WDPCP: variants seen among roughly 807,000 people sequenced by gnomAD.
WDPCP encodes the protein WD repeat containing planar cell polarity effector.
In WDPCP, 71 loss-of-function variants were observed where a neutral mutation model predicts 93.1. The observed-to-expected ratio is 0.76, with a 90% CI of 0.63 to 0.93. The LOEUF (loss-of-function observed/expected upper bound fraction) is 0.93. WDPCP is among the 40% of genes least tolerant of loss of function. The pLI, the probability that WDPCP is intolerant of heterozygous loss-of-function variation, is 0.00. For missense variants in WDPCP, 844 were observed against 887.4 expected (o/e 0.95, Z 0.62); for synonymous variants, 315 against 315.0 (o/e 1.00, Z 0.00).
chr2:63,650,173 T>C (rs1019990619), intron 3 of WDPCP, among the ~76,000 whole-genome samples: 1 of 152,210 alleles, frequency 6.6e-6, no homozygotes. Context: ...TCCCAAGATT[T>C]GTTCAGTACA....
intron 6 of WDPCP, among the ~76,000 whole-genome samples, chr2:63,444,748 T>G (rs1392202333): frequency 2.0e-5 from 3 of 152,052 alleles, no homozygotes; most frequent in Non-Finnish European, 4.4e-5. Context: ...CTGTCCCAAT[T>G]TGAATGTTGT....
chr2:63,285,941 T>C, intron 13 of WDPCP, among the ~76,000 whole-genome samples: 1 of 152,124 alleles, frequency 6.6e-6, no homozygotes, highest in Non-Finnish European at 1.5e-5. Context: ...AAAATATACA[T>C]TCTTTCAGTA....
At chr2:63,834,917 C>G in the WDPCP span, among the ~76,000 whole-genome samples, 1 of 152,150 alleles carries the variant, frequency 6.6e-6, no homozygotes, top group African/African-American at 2.4e-5. Context: ...TAGTTTTGGT[C>G]TGACTGATCC....
chr2:63,803,838 G>A (rs1200313493), intron 2 of WDPCP, among the ~76,000 whole-genome samples: 1 of 152,144 alleles, frequency 6.6e-6, no homozygotes, highest in African/African-American at 2.4e-5. Flanking sequence ...TTAAGTTACA[G>A]AACATGAATA....
rs35916043 is a variant in WDPCP, at chr2:63,500,454, G to GGTGTGT, written c.76-7520_76-7515dup. Among the ~76,000 whole-genome samples the GGTGTGT allele has an allele frequency of 2.8e-3, 415 of 149,554 alleles. 3 individuals are homozygous for GGTGTGT. Among genetic ancestry groups the GGTGTGT allele is most frequent in the East Asian group, 0.017 (88 of 5,068 alleles). On this transcript the variant is annotated intron_variant, in intron 1 of 17. Coordinates refer to ENST00000272321, the MANE Select transcript of WDPCP (RefSeq NM_015910.7). ...GCCTTGAAAGAGAAAATGGTGTGGG[G>GGTGTGT]GTGTGTGTGTGTGTGTGTGTGTGTG...
At chr2:63,317,863 G>A (rs902221221) in intron 12 of WDPCP, among the ~76,000 whole-genome samples, 4 of 152,024 alleles carry the variant, frequency 2.6e-5, no homozygotes, top group African/African-American at 9.7e-5. Context: ...TGGCAAAGAT[G>A]TCATGACAGA....
rs537699497 is a variant in WDPCP at position 63,271,389 on chromosome 2, G to A, written c.1813-11980C>T. 3.9e-5 allele frequency among the ~76,000 whole-genome samples: 6 copies of A among 152,318 alleles called. No individual in the cohort carries two copies. In the South Asian group the frequency reaches 1.2e-3, roughly 32 times the overall value. ...CAGGGCCCTGAGGATTGATCTGCTT[G>A]TCTGCCACAGCCTGTGGTTGAGTGA... On this transcript the variant is annotated intron_variant, in intron 13 of 17. Coordinates refer to ENST00000272321, the MANE Select transcript of WDPCP (RefSeq NM_015910.7).
chr2:63,589,190 G>T, upstream of WDPCP: 1 of 1,600,856 alleles, frequency 6.2e-7, no homozygotes, highest in Admixed American at 1.7e-5. Flanking sequence ...ATCTTCTGGG[G>T]ATTGCCGCAG....
upstream of WDPCP, chr2:63,588,753 AG>A: frequency 1.9e-6 from 1 of 527,686 alleles, no homozygotes. Flanking sequence ...CTCCAATCAC[AG>A]GGGCTCATCC....
At chr2:63,554,316 T>C (rs1406600538) in intron 1 of WDPCP, among the ~76,000 whole-genome samples, 1 of 152,224 alleles carries the variant, frequency 6.6e-6, no homozygotes, top group Admixed American at 6.5e-5. Flanking sequence ...AGGTTCATTA[T>C]ATCAGGAGGC....
At chr2:63,243,249 T>C (rs920280313) in intron 14 of WDPCP, among the ~76,000 whole-genome samples, 2 of 152,086 alleles carry the variant, frequency 1.3e-5, no homozygotes, top group African/African-American at 4.8e-5. Flanking sequence ...ATTGATAGAG[T>C]GTCTCATTGT....
intron 1 of WDPCP, among the ~76,000 whole-genome samples, chr2:63,524,140 C>T (rs1011486908): frequency 2.0e-5 from 3 of 152,158 alleles, no homozygotes; most frequent in African/African-American, 4.8e-5. Flanking sequence ...AAAAAATATT[C>T]CATGCTTGCA....
intron 13 of WDPCP, among the ~76,000 whole-genome samples, chr2:63,259,844 G>A (rs1035591996): frequency 6.6e-6 from 1 of 152,166 alleles, no homozygotes; most frequent in Non-Finnish European, 1.5e-5. Flanking sequence ...AATATTACTA[G>A]TATTTTGAAC....
At chr2:63,686,830 C>G (rs559780267) in intron 2 of WDPCP, among the ~76,000 whole-genome samples, 1 of 150,632 alleles carries the variant, frequency 6.6e-6, no homozygotes, top group Non-Finnish European at 1.5e-5. Context: ...TGAGAAAGGA[C>G]AGTCTTTTCA....
chr2:63,205,736 A>T (rs189465434), intron 14 of WDPCP, among the ~76,000 whole-genome samples: 61 of 152,188 alleles, frequency 4.0e-4, no homozygotes, highest in Non-Finnish European at 7.9e-4. Context: ...GGATTCTTTA[A>T]ATTTTTTCAA....
At chr2:63,253,294 C>A (rs1401545306) in intron 14 of WDPCP, among the ~76,000 whole-genome samples, 3 of 151,928 alleles carry the variant, frequency 2.0e-5, no homozygotes. Flanking sequence ...TAGAAGAAAA[C>A]CTAGGAAATG....
chr2:63,460,352 T>G (rs1698923382), intron 6 of WDPCP, among the ~76,000 whole-genome samples: 1 of 151,274 alleles, frequency 6.6e-6, no homozygotes, highest in African/African-American at 2.4e-5. Flanking sequence ...GGGGAGAGAG[T>G]TCGGTTATGA....
chr2:63,699,350 T>C (rs1049282955), intron 2 of WDPCP, among the ~76,000 whole-genome samples: 20 of 152,230 alleles, frequency 1.3e-4, no homozygotes, highest in African/African-American at 4.3e-4. Flanking sequence ...TGTTCTTTCA[T>C]ATAATGTCAC....
intron 2 of WDPCP, among the ~76,000 whole-genome samples, chr2:63,708,177 T>C (rs1438900962): frequency 6.6e-6 from 1 of 152,224 alleles, no homozygotes; most frequent in Non-Finnish European, 1.5e-5. Flanking sequence ...CATTTAAGTC[T>C]GCAGAGGTTA....
Sources: allele counts gnomAD v4.1 joint callset (sites outside exome capture counted in the v4.1 genomes callset), GRCh38; gene constraint gnomAD v4.1.1; transcripts MANE v1.5; gene names NCBI Gene and HGNC (gene_info 2026-07-23, HGNC 2026-07-21).